PDLIM2: variants seen among roughly 807,000 people sequenced by gnomAD.
The protein encoded by PDLIM2 is PDZ and LIM domain protein 2.
PDLIM2 carries 51 observed loss-of-function variants against 54.1 expected under a neutral mutation model. That is an observed-to-expected ratio of 0.94 (90% CI 0.75 to 1.19). The LOEUF is 1.19. Ranked by LOEUF, PDLIM2 falls within the 50% of genes most tolerant of loss-of-function variation. The pLI, the probability that PDLIM2 is intolerant of heterozygous loss-of-function variation, is 0.00. For synonymous variants in PDLIM2, 398 were observed against 385.6 expected, an observed-to-expected ratio of 1.03 and a Z score of -0.38; for missense variants, 912 against 874.0, an observed-to-expected ratio of 1.04 and a Z score of -0.55.
At chr8:22,593,577 CAAAA>C (rs59345957) in intron 9 of PDLIM2, 152 bp from the exon 9 acceptor site, 1,970 of 388,782 alleles carry the variant, frequency 5.1e-3, no homozygotes, top group East Asian at 0.016. Flanking sequence ...AACTCCATCT[CAAAA>C]AAAAAAAAAA....
At chr8:22,586,985 C>A (rs145090707) in intron 6 of PDLIM2, among the ~76,000 whole-genome samples, 3 of 152,314 alleles carry the variant, frequency 2.0e-5, no homozygotes, top group African/African-American at 4.8e-5. Flanking sequence ...GACCAGCCCC[C>A]CTTCCTCTCC....
chr8:22,590,107 A>C, intron 8 of PDLIM2: 3 of 252,218 alleles, frequency 1.2e-5, no homozygotes, highest in East Asian at 1.0e-4. Flanking sequence ...CAAGACTTAA[A>C]CAGCATTAAG....
chr8:22,594,777 G>A (rs140591126), downstream of PDLIM2: 397 of 1,380,058 alleles, frequency 2.9e-4, no homozygotes, highest in African/African-American at 4.9e-3. Flanking sequence ...TGATTTGGAG[G>A]GGGGAAAAAG....
In PDLIM2 at chr8:22,581,388, C is replaced by CG; in HGVS notation, c.857dup (p.Lys287GlnfsTer6). On this transcript the variant is annotated frameshift_variant, in exon 3 of 10. Transcript: ENST00000308354. LOFTEE classifies it high-confidence loss of function. ...CTCCTCATCCCTACAGGTGGCCGAG[C>CG]GGGGCAAAGCCAAGGACGCTGACCT... is the stretch of plus-strand genomic sequence containing the variant. The CG allele has an allele frequency of 6.2e-7, 1 of 1,602,202 alleles. No homozygotes were observed. The highest frequency in any genetic ancestry group is 8.5e-7 in the Non-Finnish European group (1 of 1,175,678).
chr8:22,579,518 C>G, exon 1 of PDLIM2: 4 of 1,501,984 alleles, frequency 2.7e-6, no homozygotes, highest in South Asian at 2.5e-5. Flanking sequence ...GTCCACTGAC[C>G]GGCTCAAAGG....
chr8:22,591,548 C>G lies in PDLIM2; in HGVS notation c.1514-3C>G. ...ACCACATGTCTGTCTGCCCTGCCCC[C>G]AGGTGGCACGCCAGCCTTCTTGCCC... On this transcript the variant is annotated splice_region_variant and splice_polypyrimidine_tract_variant and intron_variant, in intron 8 of 9. Coordinates refer to ENST00000308354, the Ensembl canonical transcript of PDLIM2. 1 of 1,613,328 alleles carries G rather than the reference C, an allele frequency of 6.2e-7. No homozygotes were observed. Among genetic ancestry groups the G allele is most frequent in the Non-Finnish European group, 8.5e-7 (1 of 1,179,710 alleles).
chr8:22,581,463 A>T (rs936847659), exon 3 of PDLIM2: 3 of 1,607,140 alleles, frequency 1.9e-6, no homozygotes, highest in Non-Finnish European at 2.5e-6. Flanking sequence ...CGCGGAGGGC[A>T]TGCTGCATGC....
intron 7 of PDLIM2, 37 bp from the exon 7 acceptor site, chr8:22,589,559 A>C: frequency 6.4e-7 from 1 of 1,557,702 alleles, no homozygotes; most frequent in Non-Finnish European, 8.7e-7. Flanking sequence ...AAGCTCCGGC[A>C]CGGGACCCTC....
exon 10 of PDLIM2, chr8:22,593,934 TCA>T: frequency 6.5e-7 from 1 of 1,544,864 alleles, no homozygotes; most frequent in Middle Eastern, 1.7e-4. Flanking sequence ...TCAGCCTGCC[TCA>T]CTGCTGGGCC....
At chr8:22,580,238 C>T (rs1586917494) in intron 1 of PDLIM2, 2 of 346,098 alleles carry the variant, frequency 5.8e-6, no homozygotes, top group African/African-American at 2.1e-5. Context: ...GGACTGAGCC[C>T]TGATGGTGGA....
chr8:22,596,743 A>G (rs941835514), downstream of PDLIM2: 1 of 152,280 alleles, frequency 6.6e-6, no homozygotes, highest in African/African-American at 2.4e-5. Context: ...CTAGACAGTC[A>G]TAATGGCTAA....
At chr8:22,590,242 G>A (rs1374058933) in intron 8 of PDLIM2, 1 of 160,122 alleles carries the variant, frequency 6.2e-6, no homozygotes, top group Non-Finnish European at 1.4e-5. Flanking sequence ...CCTGCAGTGA[G>A]GGCCCTCGGG....
At position 22,591,534 on chromosome 8, in the gene PDLIM2, G is replaced by C. The variant is rs755775427; in HGVS notation, c.1514-17G>C. 8.7e-6 allele frequency: 14 copies of C among 1,609,908 alleles called. No individual in the cohort carries two copies. The highest frequency in any genetic ancestry group is 1.7e-5 in the Admixed American group (1 of 59,970). The stretch of plus-strand genomic sequence containing the variant: ...GTTGGTGGGCTCTCACCACATGTCT[G>C]TCTGCCCTGCCCCCAGGTGGCACGC... On this transcript the variant is annotated splice_polypyrimidine_tract_variant and intron_variant, in intron 8 of 9. Coordinates refer to ENST00000308354, the Ensembl canonical transcript of PDLIM2.
At chr8:22,588,155 G>A (rs1800432846) in intron 6 of PDLIM2, 1 of 152,340 alleles carries the variant, frequency 6.6e-6, no homozygotes, top group Non-Finnish European at 1.5e-5. Context: ...TGCTGCAGGT[G>A]GCTTGGACCA....
chr8:22,589,457 T>TG, intron 7 of PDLIM2, 83 bp downstream of exon 6: 1 of 1,530,538 alleles, frequency 6.5e-7, no homozygotes, highest in Non-Finnish European at 8.8e-7. Context: ...CCGAGAGGGA[T>TG]GGGGTCCCCC....
chr8:22,581,858 TGGGTTGAAGA>T (rs1800214685), intron 3 of PDLIM2, among the ~76,000 whole-genome samples: 1 of 152,092 alleles, frequency 6.6e-6, no homozygotes, highest in East Asian at 1.9e-4. Context: ...GGGCATGAAG[TGGGTTGAAGA>T]GGGGAACCTT....
exon 1 of PDLIM2, chr8:22,579,191 T>C (rs1385702875): frequency 2.2e-6 from 3 of 1,384,428 alleles, no homozygotes; most frequent in Non-Finnish European, 9.3e-7. Flanking sequence ...CTCCCGGGCC[T>C]GGGCGCCCAG....
chr8:22,591,496 G>T (rs1400987378), intron 8 of PDLIM2, 55 bp from the exon 8 acceptor site: 2 of 1,484,800 alleles, frequency 1.3e-6, no homozygotes, highest in Non-Finnish European at 9.4e-7. Flanking sequence ...AGCATCTTTG[G>T]GAGGATGCTG....
intron 3 of PDLIM2, among the ~76,000 whole-genome samples, chr8:22,582,482 G>A (rs905657951): frequency 2.6e-5 from 4 of 152,116 alleles, no homozygotes; most frequent in African/African-American, 9.7e-5. Context: ...CTTCCTCTGG[G>A]GTTCTCTGGA....
Sources: allele counts gnomAD v4.1 joint callset (sites outside exome capture counted in the v4.1 genomes callset), GRCh38; gene constraint gnomAD v4.1.1; transcripts MANE v1.5; gene names NCBI Gene and HGNC (gene_info 2026-07-23, HGNC 2026-07-21).